VAPA: variants seen among roughly 807,000 people sequenced by gnomAD.
The protein encoded by VAPA is VAMP associated protein A, also known as vesicle-associated membrane protein-associated protein A.
A neutral mutation model predicts 25.6 loss-of-function variants in VAPA; 6 were observed. That is an observed-to-expected ratio of 0.23 (90% CI 0.13 to 0.46). VAPA has a LOEUF of 0.46. VAPA is among the 20% of genes least tolerant of loss of function. VAPA has a pLI of 0.99. For missense variants in VAPA, 244 were observed against 302.1 expected (o/e 0.81, Z 1.43); for synonymous variants, 112 against 106.2 (o/e 1.05, Z -0.34).
chr18:9,954,273 T>C lies in VAPA; in HGVS notation c.*62T>C. On this transcript the variant is annotated 3_prime_UTR_variant, in exon 6 of 6. Transcript: ENST00000400000. Reference sequence around the variant, plus strand: ...TTCTCTTGACCAGAAAAAGATTTGTTTACCTACCATTTCATTGGTAGTATG... The same window carrying C: ...TTCTCTTGACCAGAAAAAGATTTGTCTACCTACCATTTCATTGGTAGTATG... 1 of 1,469,730 alleles carries C rather than the reference T, an allele frequency of 6.8e-7. No individual in the cohort carries two copies. The highest frequency in any genetic ancestry group is 9.2e-7 in the Non-Finnish European group (1 of 1,083,958). The allele number at this position is 1,469,730 out of a possible 1,614,324, so 91.0% of individuals were successfully genotyped here.
intron 4 of VAPA, among the ~76,000 whole-genome samples, chr18:9,941,907 T>G (rs2069369598): frequency 6.6e-6 from 1 of 152,264 alleles, no homozygotes; most frequent in Non-Finnish European, 1.5e-5. Context: ...ATGTATTTTT[T>G]AAAAGTATAG....
At chr18:9,929,130 A>G (rs1471484613) in intron 1 of VAPA, among the ~76,000 whole-genome samples, 1 of 152,164 alleles carries the variant, frequency 6.6e-6, no homozygotes, top group Non-Finnish European at 1.5e-5. Flanking sequence ...TAACATTTTG[A>G]AGAAAAGAGT....
chr18:9,936,231 A>C lies in VAPA; in HGVS notation c.336+18A>C. 6.5e-7 allele frequency: 1 copy of C among 1,540,338 alleles called. No individual in the cohort carries two copies. Among genetic ancestry groups the C allele is most frequent in the Admixed American group, 1.8e-5 (1 of 54,362 alleles). ...AAGCTGTGGTAAGTATAGAAGAAGAATTTGTTTTGGGAAGTGGAGTTTAAA... is the reference window on the plus strand; with the variant it reads ...AAGCTGTGGTAAGTATAGAAGAAGACTTTGTTTTGGGAAGTGGAGTTTAAA... On this transcript the variant is annotated intron_variant, in intron 3 of 5. Transcript: ENST00000400000.
At chr18:9,917,315 T>A (rs1235343988) in intron 1 of VAPA, among the ~76,000 whole-genome samples, 1 of 152,226 alleles carries the variant, frequency 6.6e-6, no homozygotes, top group Admixed American at 6.5e-5. Flanking sequence ...TAAATTTTTT[T>A]ATTTTTTGAG....
intron 4 of VAPA, among the ~76,000 whole-genome samples, chr18:9,938,290 G>T (rs1005558462): frequency 6.6e-6 from 1 of 152,202 alleles, no homozygotes; most frequent in Non-Finnish European, 1.5e-5. Flanking sequence ...GGCTTCTACT[G>T]TGCTCTGGAT....
chr18:9,944,952 C>T (rs1419536862), intron 4 of VAPA: 37 of 1,614,064 alleles, frequency 2.3e-5, no homozygotes, highest in Non-Finnish European at 3.0e-5. Flanking sequence ...AATGCTCCGA[C>T]TGTCACTTCA....
At position 9,957,666 on chromosome 18, in the gene VAPA, C is replaced by A. The variant is rs1190923536; in HGVS notation, c.*3455C>A. The A allele has an allele frequency of 6.6e-6, 1 of 152,134 alleles. No homozygotes were observed. The highest frequency in any genetic ancestry group is 1.5e-5 in the Non-Finnish European group (1 of 68,012). The allele number at this position is 152,134 out of a possible 1,614,324, so 9.4% of individuals were successfully genotyped here. A position where few individuals can be genotyped will look rare whatever the true frequency, so the allele number is the denominator to read the frequency against. On this transcript the variant is annotated 3_prime_UTR_variant, in exon 6 of 6. Transcript: ENST00000400000. ...TTTCTAGCTTTAAAGGGAAATTAAACCATTCATGAATAAACTTTAAAAATG... is the reference window on the plus strand; with the variant it reads ...TTTCTAGCTTTAAAGGGAAATTAAAACATTCATGAATAAACTTTAAAAATG...
At chr18:9,931,047 A>G (rs934334521) in intron 1 of VAPA, among the ~76,000 whole-genome samples, 5 of 152,094 alleles carry the variant, frequency 3.3e-5, no homozygotes, top group Admixed American at 6.6e-5. Context: ...CTTTAAACGA[A>G]TTGTTTTTAG....
At position 9,950,432 on chromosome 18, in the gene VAPA, C is replaced by T. The variant is rs370000687; in HGVS notation, c.455C>T (p.Ala152Val). ...CCTAGCAAAGCTGTTCCACTGAATG[C>T]ATCTAAGCAAGATGGACCTATGCCA... is the stretch of plus-strand genomic sequence containing the variant. ...MEPSKAVPLNASKQDGPMPKP... is the reference protein window; with the variant it reads ...MEPSKAVPLNVSKQDGPMPKP... Residue 152 changes from alanine to valine, a missense_variant, in exon 5 of 6, where the codon GCA becomes GTA. Physicochemically the swap from Ala to Val is moderately conservative, Grantham distance 64 (BLOSUM62 0). Around this residue, in one of 2 missense-constraint regions of VAPA, gnomAD observed 145 missense variants for 140.6 expected, o/e 1.03. Coordinates refer to ENST00000400000, the MANE Select transcript of VAPA (RefSeq NM_194434.3). The T allele has an allele frequency of 1.9e-6, 3 of 1,613,814 alleles. No homozygotes were observed. The highest frequency in any genetic ancestry group is 2.5e-6 in the Non-Finnish European group (3 of 1,179,964).
intron 1 of VAPA, among the ~76,000 whole-genome samples, chr18:9,928,371 A>G (rs1342912881): frequency 2.7e-4 from 41 of 152,146 alleles, no homozygotes; most frequent in Admixed American, 2.7e-3. Context: ...TACTCATATA[A>G]TCACCTCCAG....
Position 9,936,094 on chromosome 18 carries a change from T to C in VAPA, c.233-16T>C, listed in dbSNP as rs2069307161. The C allele has an allele frequency of 4.5e-6, 7 of 1,556,566 alleles. No individual in the cohort carries two copies. The highest frequency in any genetic ancestry group is 6.1e-6 in the Non-Finnish European group (7 of 1,140,328). On this transcript the variant is annotated splice_polypyrimidine_tract_variant and intron_variant, in intron 2 of 5. Transcript: ENST00000400000. Reference sequence around the variant, plus strand: ...ATGCAGGAGACAATATAATATATCCTTTTTTTCTTATTTAGTAATGCTACA... The same window carrying C: ...ATGCAGGAGACAATATAATATATCCCTTTTTTCTTATTTAGTAATGCTACA...
rs777574917 is a variant in VAPA at position 9,936,189 on chromosome 18, A to C, written c.312A>C (p.Pro104=). Residue 104 remains proline (P), a synonymous_variant, in exon 3 of 6, where the codon CCA becomes CCC. Coordinates refer to ENST00000400000, the MANE Select transcript of VAPA (RefSeq NM_194434.3). Reference sequence around the variant, plus strand: ...TGGTACAGACAATTTTTGCTCCACCAAACACTTCAGATATGGAAGCTGTGG... The same window carrying C: ...TGGTACAGACAATTTTTGCTCCACCCAACACTTCAGATATGGAAGCTGTGG... ...KFMVQTIFAP[P]NTSDMEAVWK... 1 of 1,604,374 alleles carries C rather than the reference A, an allele frequency of 6.2e-7. No homozygotes were observed. The highest frequency in any genetic ancestry group is 8.5e-7 in the Non-Finnish European group (1 of 1,175,212).
At chr18:9,941,060 G>T (rs1391450358) in intron 4 of VAPA, among the ~76,000 whole-genome samples, 3 of 151,882 alleles carry the variant, frequency 2.0e-5, no homozygotes, top group Non-Finnish European at 4.4e-5. Flanking sequence ...ATCACATTGC[G>T]TATTTGCCTA....
intron 1 of VAPA, among the ~76,000 whole-genome samples, chr18:9,917,662 C>G (rs905233868): frequency 6.6e-6 from 1 of 152,142 alleles, no homozygotes; most frequent in African/African-American, 2.4e-5. Flanking sequence ...TCTTAATGAT[C>G]AGAGAGAGAC....
intron 4 of VAPA, among the ~76,000 whole-genome samples, chr18:9,943,366 C>G (rs29140): frequency 0.097 from 14,713 of 151,686 alleles, 933 homozygotes; most frequent in African/African-American, 0.18. Context: ...ATATTTTTTC[C>G]TGGATAACAA....
chr18:9,932,040 A>G (rs746500075), intron 2 of VAPA, 78 bp downstream of exon 2: 1 of 1,029,958 alleles, frequency 9.7e-7, no homozygotes, highest in African/African-American at 1.6e-5. Context: ...ATAAGGTTTC[A>G]TCTGGAGGGA....
In VAPA at chr18:9,950,391, G is replaced by T. The variant is rs1410850364; in HGVS notation, c.418-4G>T. Reference sequence around the variant, plus strand: ...AAAAAATTCCCAATATCTTTGTAATGCAGAATGATATGGAACCTAGCAAAG... The same window carrying T: ...AAAAAATTCCCAATATCTTTGTAATTCAGAATGATATGGAACCTAGCAAAG... On this transcript the variant is annotated splice_polypyrimidine_tract_variant and splice_region_variant and intron_variant, in intron 4 of 5. Coordinates refer to ENST00000400000, the MANE Select transcript of VAPA (RefSeq NM_194434.3). The T allele has an allele frequency of 3.7e-6, 6 of 1,609,984 alleles. No homozygotes were observed. Among genetic ancestry groups the T allele is most frequent in the Non-Finnish European group, 4.2e-6 (5 of 1,179,030 alleles).
intron 4 of VAPA, among the ~76,000 whole-genome samples, chr18:9,938,244 C>T (rs1209121821): frequency 6.6e-6 from 1 of 152,134 alleles, no homozygotes; most frequent in Admixed American, 6.5e-5. Context: ...TCATTTTTTA[C>T]AGTAATTCGG....
chr18:9,944,553 A>G (rs1020096066), intron 4 of VAPA, among the ~76,000 whole-genome samples: 1 of 152,244 alleles, frequency 6.6e-6, no homozygotes, highest in African/African-American at 2.4e-5. Flanking sequence ...AAGAAGACAT[A>G]CAAGTGCTTG....
Sources: gnomAD v4.1 joint callset for allele counts (sites outside exome capture counted in the v4.1 genomes callset) on GRCh38, gnomAD v4.1.1 for gene constraint, gnomAD v4.1.1 regional missense constraint, MANE v1.5 for transcripts, NCBI Gene and HGNC (gene_info 2026-07-23, HGNC 2026-07-21) for gene names.